DNTT: variants seen among roughly 807,000 people sequenced by gnomAD.
DNTT encodes DNA nucleotidylexotransferase.
DNTT carries 47 observed loss-of-function variants against 60.9 expected under a neutral mutation model. The ratio of observed to expected loss-of-function variants is 0.77; its 90% confidence interval spans 0.61 to 0.98. The LOEUF (loss-of-function observed/expected upper bound fraction) is 0.98, where lower values mean the gene tolerates loss of function less well. Among genes scored for constraint, DNTT ranks in the 50% least tolerant of loss-of-function variants. DNTT has a pLI of 0.00. For synonymous variants in DNTT, 224 were observed against 221.2 expected, an observed-to-expected ratio of 1.01 and a Z score of -0.11; for missense variants, 665 against 627.5, an observed-to-expected ratio of 1.06 and a Z score of -0.64.
chr10:96,314,422 T>C (rs1215981668), intron 1 of DNTT, among the ~76,000 whole-genome samples: 2 of 111,358 alleles, frequency 1.8e-5, no homozygotes, highest in African/African-American at 7.6e-5. Context: ...TTTTTTTTTT[T>C]TTTTTTTTGA....
At chr10:96,325,828 G>A (rs1844933325) in intron 6 of DNTT, among the ~76,000 whole-genome samples, 1 of 152,180 alleles carries the variant, frequency 6.6e-6, no homozygotes, top group Non-Finnish European at 1.5e-5. Context: ...TGAACATATT[G>A]AAAGGACAGT....
chr10:96,331,526 G>A (rs962455414), intron 8 of DNTT, among the ~76,000 whole-genome samples: 1 of 152,100 alleles, frequency 6.6e-6, no homozygotes, highest in Admixed American at 6.5e-5. Context: ...GAGTGGGGAG[G>A]GGCCAGGCTC....
At chr10:96,305,452 G>A (rs1844622339) in intron 1 of DNTT, among the ~76,000 whole-genome samples, 1 of 152,120 alleles carries the variant, frequency 6.6e-6, no homozygotes, top group African/African-American at 2.4e-5. Context: ...GCTCTTCACT[G>A]ATCTCAAATA....
rs533516556 is a variant in DNTT at position 96,307,343 on chromosome 10, G to GTTTTT, written c.203+2670_203+2674dup. The stretch of plus-strand genomic sequence containing the variant: ...CTGTTTTTATTTTCTGGGTTTTCCA[G>GTTTTT]TTTTTTTTTTTTTTTTTTTTTTTTT... On this transcript the variant is annotated intron_variant, in intron 1 of 10. Transcript: ENST00000371174. Among the ~76,000 whole-genome samples, 58 of 67,596 alleles carry GTTTTT rather than the reference G, an allele frequency of 8.6e-4. 4 individuals are homozygous for GTTTTT. Among genetic ancestry groups the GTTTTT allele is most frequent in the African/African-American group, 2.7e-3 (42 of 15,552 alleles). The allele number at this position is 67,596 out of a possible 152,430, so 44.3% of individuals were successfully genotyped here. A position where few individuals can be genotyped will look rare whatever the true frequency, so the allele number is the denominator to read the frequency against.
intron 1 of DNTT, among the ~76,000 whole-genome samples, chr10:96,311,746 C>T (rs1194035700): frequency 2.0e-5 from 3 of 152,220 alleles, no homozygotes; most frequent in African/African-American, 4.8e-5. Flanking sequence ...TGGGTTCAAG[C>T]GATTCTCGTG....
intron 9 of DNTT, among the ~76,000 whole-genome samples, chr10:96,333,426 C>G (rs536919599): frequency 1.1e-4 from 17 of 152,248 alleles, no homozygotes; most frequent in Admixed American, 5.9e-4. Flanking sequence ...AAACTAAAAA[C>G]AGGGCTACCA....
In DNTT at chr10:96,319,140, A is replaced by G. The variant is rs1844830223; in HGVS notation, c.379-122A>G. 2.7e-6 allele frequency: 3 copies of G among 1,111,662 alleles called. No homozygotes were observed. The East Asian group carries it at 7.3e-5, about 27-fold the overall frequency. 68.9% of individuals were successfully genotyped at this position (1,111,662 alleles called of 1,614,324 possible). Reference sequence around the variant, plus strand: ...CAAATATTAGAGATGTATATAACATAAATTTTGAGTCTCCTATAATTTTAT... The same window carrying G: ...CAAATATTAGAGATGTATATAACATGAATTTTGAGTCTCCTATAATTTTAT... On this transcript the variant is annotated intron_variant, in intron 2 of 10. Transcript: ENST00000371174.
intron 7 of DNTT, 87 bp downstream of exon 7, chr10:96,327,687 G>C: frequency 2.0e-6 from 3 of 1,523,716 alleles, no homozygotes; most frequent in Non-Finnish European, 2.6e-6. Flanking sequence ...GGCACAAAAG[G>C]CTGTGATCTG....
chr10:96,323,047 C>T (rs906176530), intron 5 of DNTT, among the ~76,000 whole-genome samples: 44 of 152,292 alleles, frequency 2.9e-4, no homozygotes, highest in African/African-American at 9.1e-4. Flanking sequence ...TAGCTCATGC[C>T]TGTAATCCAA....
chr10:96,307,596 C>T (rs536760355), intron 1 of DNTT, among the ~76,000 whole-genome samples: 7 of 148,886 alleles, frequency 4.7e-5, no homozygotes, highest in South Asian at 4.2e-4. Context: ...CCTCGTGATC[C>T]GCCCGCCTTG....
chr10:96,325,500 A>G (rs1844928786), intron 6 of DNTT, among the ~76,000 whole-genome samples: 1 of 152,236 alleles, frequency 6.6e-6, no homozygotes, highest in African/African-American at 2.4e-5. Flanking sequence ...ATAGTGTTTC[A>G]TTTGGATGAA....
chr10:96,327,399 C>T, intron 6 of DNTT, 69 bp from the exon 7 acceptor site: 1 of 1,611,578 alleles, frequency 6.2e-7, no homozygotes, highest in Middle Eastern at 1.7e-4. Flanking sequence ...ACAGAATCCC[C>T]TTCTACTGAG....
intron 1 of DNTT, among the ~76,000 whole-genome samples, chr10:96,307,367 TTTTTTTTG>T (rs1844651658): frequency 7.3e-6 from 1 of 137,832 alleles, no homozygotes; most frequent in African/African-American, 2.7e-5. Context: ...TTTTTTTTTT[TTTTTTTTG>T]AGACGGAGTC....
intron 1 of DNTT, among the ~76,000 whole-genome samples, chr10:96,312,678 C>A (rs1227438793): frequency 1.3e-5 from 2 of 152,168 alleles, no homozygotes; most frequent in Admixed American, 1.3e-4. Flanking sequence ...ATTTTGGGAT[C>A]ACTGGTTATG....
At chr10:96,334,800 A>G (rs1257568693) in intron 9 of DNTT, among the ~76,000 whole-genome samples, 2 of 152,246 alleles carry the variant, frequency 1.3e-5, no homozygotes, top group East Asian at 3.8e-4. Context: ...AACGTTCCAG[A>G]AAGAAGTCCT....
rs61758435 is a variant in DNTT at position 96,319,270 on chromosome 10, A to G, written c.387A>G (p.Arg129=). 1,342 of 1,613,716 alleles carry G rather than the reference A, an allele frequency of 8.3e-4. 1 individual carries two copies. Among genetic ancestry groups the G allele is most frequent in the Non-Finnish European group, 1.0e-3 (1,208 of 1,179,738 alleles). ...MTGKHQLVVR[R]DYSDSTNPGP... Reference sequence around the variant, plus strand: ...CTTATGCATTTGTTTAGGTGAGAAGAGACTATTCAGATAGCACCAACCCAG... The same window carrying G: ...CTTATGCATTTGTTTAGGTGAGAAGGGACTATTCAGATAGCACCAACCCAG... The change falls in exon 3 of 11, where the codon AGA becomes AGG. Residue 129 remains arginine, a synonymous_variant. Coordinates refer to ENST00000371174, the MANE Select transcript of DNTT (RefSeq NM_004088.4).
chr10:96,333,060 C>G (rs1364880783), intron 9 of DNTT, among the ~76,000 whole-genome samples: 1 of 152,126 alleles, frequency 6.6e-6, no homozygotes, highest in Non-Finnish European at 1.5e-5. Context: ...AATATCTGCA[C>G]ATCATACATC....
intron 1 of DNTT, 36 bp from the exon 2 acceptor site, chr10:96,318,316 A>T: frequency 6.3e-7 from 1 of 1,579,252 alleles, no homozygotes; most frequent in Non-Finnish European, 8.6e-7. Context: ...ATTTTGAAAG[A>T]TGTTTCAGCT....
intron 1 of DNTT, among the ~76,000 whole-genome samples, chr10:96,305,398 C>G (rs1347221842): frequency 2.0e-5 from 3 of 152,182 alleles, no homozygotes; most frequent in African/African-American, 7.2e-5. Flanking sequence ...ATCCACTCAC[C>G]TTGAACAGCA....
Sources: allele counts gnomAD v4.1 joint callset (sites outside exome capture counted in the v4.1 genomes callset), GRCh38; gene constraint gnomAD v4.1.1; transcripts MANE v1.5; gene names NCBI Gene and HGNC (gene_info 2026-07-23, HGNC 2026-07-21).